FRAS1: variants seen among roughly 807,000 people sequenced by gnomAD.
FRAS1 encodes the protein extracellular matrix organizing protein FRAS1.
A neutral mutation model predicts 435.2 loss-of-function variants in FRAS1; 290 were observed. The observed-to-expected ratio is 0.67, with a 90% CI of 0.61 to 0.73. FRAS1 has a LOEUF of 0.73. Among genes scored for constraint, FRAS1 ranks in the 30% least tolerant of loss-of-function variants. The probability of loss-of-function intolerance (pLI) is 0.00; values close to 1 mark genes in which losing one functional copy is unlikely to be tolerated. For synonymous variants in FRAS1, 1,800 were observed against 1,851.0 expected (o/e 0.97, Z 0.71); for missense variants, 4,860 against 5,001.5 (o/e 0.97, Z 0.85).
At chr4:78,508,627 C>T (rs1560418233) in intron 62 of FRAS1, 104 bp from the exon 63 acceptor site, 9 of 1,180,482 alleles carry the variant, frequency 7.6e-6, no homozygotes, top group Non-Finnish European at 9.7e-6. Flanking sequence ...TTTCAAAGAA[C>T]CTGTAGACAC....
At chr4:78,527,420 G>A (rs1382388294) in intron 70 of FRAS1, among the ~76,000 whole-genome samples, 1 of 152,152 alleles carries the variant, frequency 6.6e-6, no homozygotes, top group Non-Finnish European at 1.5e-5. Flanking sequence ...TAGAGCAGAG[G>A]ATTAAAAGTA....
chr4:78,407,048 A>G (rs1385132), intron 30 of FRAS1, among the ~76,000 whole-genome samples: 52,211 of 152,150 alleles, frequency 0.34, 9,161 homozygotes, highest in Non-Finnish European at 0.38. Flanking sequence ...TAAAGTGTAT[A>G]TAAAACATAA....
At chr4:78,208,838 C>G (rs1723378248) in intron 2 of FRAS1, among the ~76,000 whole-genome samples, 2 of 151,998 alleles carry the variant, frequency 1.3e-5, no homozygotes. Flanking sequence ...TAAGTTCATA[C>G]AATATAGAAT....
At chr4:78,291,881 G>C (rs1431216775) in intron 14 of FRAS1, among the ~76,000 whole-genome samples, 1 of 152,176 alleles carries the variant, frequency 6.6e-6, no homozygotes, top group African/African-American at 2.4e-5. Context: ...CATTTTACAG[G>C]ATTATAAGGG....
intron 2 of FRAS1, among the ~76,000 whole-genome samples, chr4:78,086,530 A>G (rs1333922475): frequency 6.6e-6 from 1 of 152,194 alleles, no homozygotes; most frequent in African/African-American, 2.4e-5. Flanking sequence ...GACCACTATC[A>G]AGACTAATAA....
At chr4:78,493,501 T>G (rs1190744131) in intron 59 of FRAS1, among the ~76,000 whole-genome samples, 1 of 152,168 alleles carries the variant, frequency 6.6e-6, no homozygotes, top group Non-Finnish European at 1.5e-5. Flanking sequence ...TTCATTCCTT[T>G]GCAGGGACAC....
intron 20 of FRAS1, among the ~76,000 whole-genome samples, chr4:78,356,537 A>G (rs1429162498): frequency 6.6e-6 from 1 of 152,136 alleles, no homozygotes; most frequent in Admixed American, 6.5e-5. Context: ...TGGTCACAAT[A>G]GTTTTCATGT....
chr4:78,498,660 AT>A (rs1457572867), intron 60 of FRAS1, among the ~76,000 whole-genome samples: 3 of 152,166 alleles, frequency 2.0e-5, no homozygotes, highest in Non-Finnish European at 4.4e-5. Context: ...ACGGAAATAA[AT>A]ACAGAAAGTA....
At chr4:78,276,805 A>T (rs1727064812) in intron 9 of FRAS1, among the ~76,000 whole-genome samples, 1 of 152,162 alleles carries the variant, frequency 6.6e-6, no homozygotes, top group South Asian at 2.1e-4. Context: ...TCAGATCTCA[A>T]ATTCTGTGCT....
intron 18 of FRAS1, among the ~76,000 whole-genome samples, chr4:78,330,601 G>A (rs928908863): frequency 6.6e-6 from 1 of 152,126 alleles, no homozygotes; most frequent in Admixed American, 6.5e-5. Context: ...CTCTGAACTG[G>A]CCCCCCTGGG....
At chr4:78,181,252 T>C in intron 2 of FRAS1, 4 of 1,609,584 alleles carry the variant, frequency 2.5e-6, no homozygotes, top group Non-Finnish European at 3.4e-6. Flanking sequence ...CCTCCTCTTT[T>C]ACCTCTTCAA....
At chr4:78,477,611 C>G (rs1223194781) in intron 54 of FRAS1, among the ~76,000 whole-genome samples, 1 of 152,178 alleles carries the variant, frequency 6.6e-6, no homozygotes, top group Non-Finnish European at 1.5e-5. Context: ...TACAATAAAG[C>G]AGCCCTCCTG....
intron 2 of FRAS1, chr4:78,180,767 CT>C (rs878901917): frequency 0.22 from 142,882 of 650,444 alleles, no homozygotes; most frequent in South Asian, 0.29. Context: ...GAATGACAGT[CT>C]TTTTTTTTTT....
chr4:78,083,624 C>CTTTT (rs1446958361), intron 2 of FRAS1, among the ~76,000 whole-genome samples: 8 of 74,114 alleles, frequency 1.1e-4, no homozygotes, highest in South Asian at 5.5e-4. Flanking sequence ...CATGCAAGTT[C>CTTTT]TGTTTTTTTT....
chr4:78,123,780 T>C (rs1719173209), intron 2 of FRAS1, among the ~76,000 whole-genome samples: 1 of 152,194 alleles, frequency 6.6e-6, no homozygotes, highest in Non-Finnish European at 1.5e-5. Context: ...ACTCTGTTTG[T>C]CTGTTATTTG....
intron 2 of FRAS1, among the ~76,000 whole-genome samples, chr4:78,087,785 G>C (rs927353014): frequency 9.2e-5 from 14 of 152,104 alleles, no homozygotes; most frequent in African/African-American, 2.6e-4. Flanking sequence ...AGGATACAAA[G>C]AAATGGAAGA....
rs1459895332 is a variant in FRAS1, at chr4:78,057,656, T to C, written c.-354T>C. On this transcript the variant is annotated 5_prime_UTR_variant, in exon 1 of 74. An upstream start codon of the reference 5' UTR is lost. Coordinates refer to ENST00000512123, the MANE Select transcript of FRAS1 (RefSeq NM_025074.7). The surrounding 1 kb of genome is among the most constrained non-coding windows in gnomAD (Gnocchi z 4.2). ...TCGGAAGGGTCTAGCCCGAGGGAAA[T>C]GCTGGAAGATCCCATCGGCCAGTGA... is the stretch of plus-strand genomic sequence containing the variant. 3.0e-6 allele frequency: 1 copy of C among 338,792 alleles called. No individual in the cohort carries two copies. The highest frequency in any genetic ancestry group is 2.1e-5 in the African/African-American group (1 of 47,852). The allele number at this position is 338,792 out of a possible 1,614,324, so 21.0% of individuals were successfully genotyped here. A position where few individuals can be genotyped will look rare whatever the true frequency, so the allele number is the denominator to read the frequency against.
intron 60 of FRAS1, 66 bp downstream of exon 60, chr4:78,497,027 T>G (rs1720526829): frequency 7.8e-7 from 1 of 1,275,890 alleles, no homozygotes; most frequent in Non-Finnish European, 1.1e-6. Flanking sequence ...TTTAACTAAT[T>G]ATTAGTGTTT....
chr4:78,399,185 C>T (rs552156399), intron 29 of FRAS1, among the ~76,000 whole-genome samples: 2 of 152,246 alleles, frequency 1.3e-5, no homozygotes, highest in East Asian at 3.9e-4. Flanking sequence ...TTAGAAAGTG[C>T]CGTTGCTGCT....
Sources: allele counts gnomAD v4.1 joint callset (sites outside exome capture counted in the v4.1 genomes callset), GRCh38; gene constraint gnomAD v4.1.1; non-coding constraint Gnocchi (gnomAD v3.1); transcripts MANE v1.5; gene names NCBI Gene and HGNC (gene_info 2026-07-23, HGNC 2026-07-21).